Variants in MYT1L observed in about 807,000 individuals in gnomAD.
MYT1L encodes myelin transcription factor 1-like protein.
Under a neutral mutation model 126.7 loss-of-function variants are expected in MYT1L, and 12 were observed. The observed-to-expected ratio is 0.09, with a 90% CI of 0.06 to 0.15. The LOEUF (loss-of-function observed/expected upper bound fraction) is 0.15. MYT1L is among the 10% of genes least tolerant of loss of function. The probability of loss-of-function intolerance (pLI) is 1.00; values close to 1 mark genes in which losing one functional copy is unlikely to be tolerated. For synonymous variants in MYT1L, 541 were observed against 604.2 expected, an observed-to-expected ratio of 0.90 and a Z score of 1.53; for missense variants, 979 against 1,585.2, an observed-to-expected ratio of 0.62 and a Z score of 6.49.
chr2:2,208,614 CTTTAA>C (rs2093396866), intron 2 of MYT1L, among the ~76,000 whole-genome samples: 1 of 152,102 alleles, frequency 6.6e-6, no homozygotes, highest in South Asian at 2.1e-4. Flanking sequence ...CTTTAAAAAA[CTTTAA>C]TTTATAAATA....
At chr2:2,286,707 G>A (rs1266094899) in intron 1 of MYT1L, among the ~76,000 whole-genome samples, 2 of 152,152 alleles carry the variant, frequency 1.3e-5, no homozygotes, top group African/African-American at 4.8e-5. Context: ...CAGCAGGAGA[G>A]ATCATCTGTG....
At chr2:2,088,504 C>T (rs1262449101) in intron 3 of MYT1L, among the ~76,000 whole-genome samples, 2 of 152,096 alleles carry the variant, frequency 1.3e-5, no homozygotes, top group Non-Finnish European at 2.9e-5. Context: ...CAGTCCTTCC[C>T]CTGGGCCCTG....
intron 22 of MYT1L, among the ~76,000 whole-genome samples, chr2:1,807,336 G>C (rs2035877765): frequency 6.6e-6 from 1 of 152,220 alleles, no homozygotes; most frequent in Admixed American, 6.5e-5. Context: ...ACAGTCAGAT[G>C]AGAGGAGACC....
chr2:2,174,527 TTG>T (rs1406252874), intron 2 of MYT1L, among the ~76,000 whole-genome samples: 5 of 152,208 alleles, frequency 3.3e-5, no homozygotes, highest in Non-Finnish European at 1.5e-5. Context: ...ACCCACGTCC[TTG>T]TGAGACAGAG....
chr2:2,003,972 G>GAGTTCTTTCCT (rs2062708576), intron 4 of MYT1L, among the ~76,000 whole-genome samples: 1 of 140,586 alleles, frequency 7.1e-6, no homozygotes, highest in Non-Finnish European at 1.6e-5. Context: ...CTTTCCTGCA[G>GAGTTCTTTCCT]GCATTCTTTC....
intron 3 of MYT1L, among the ~76,000 whole-genome samples, chr2:2,109,631 T>C (rs1290298376): frequency 6.6e-6 from 1 of 151,820 alleles, no homozygotes; most frequent in Non-Finnish European, 1.5e-5. Flanking sequence ...TTGTAGTACT[T>C]GGGGTTTTGG....
At chr2:1,845,582 T>A (rs1284010096) in intron 19 of MYT1L, among the ~76,000 whole-genome samples, 2 of 152,024 alleles carry the variant, frequency 1.3e-5, no homozygotes, top group Non-Finnish European at 2.9e-5. Context: ...CACGGCCCCA[T>A]TGCTGCTCTC....
rs533304441 is a variant in MYT1L, at chr2:2,179,783, T to A, written c.-420-6795A>T. The stretch of plus-strand genomic sequence containing the variant: ...GACTTACCACCACCTTATGTGACCT[T>A]TAGTTTAAGCTGCTTTGTCCTCTCC... On this transcript the variant is annotated intron_variant, in intron 2 of 24. Transcript: ENST00000647738. Among the ~76,000 whole-genome samples the A allele has an allele frequency of 2.6e-5, 4 of 152,308 alleles. No individual in the cohort carries two copies. In the South Asian group the frequency reaches 6.2e-4, roughly 24 times the overall value.
At chr2:2,216,067 G>C (rs1238433601) in intron 2 of MYT1L, among the ~76,000 whole-genome samples, 19 of 87,108 alleles carry the variant, frequency 2.2e-4, no homozygotes, top group Non-Finnish European at 3.6e-4. Context: ...CTCTCTCTCA[G>C]TTCCACGTTC....
intron 4 of MYT1L, among the ~76,000 whole-genome samples, chr2:2,028,415 C>T (rs763197699): frequency 1.6e-4 from 25 of 152,178 alleles, no homozygotes; most frequent in Non-Finnish European, 3.5e-4. Context: ...AGTAGATCGA[C>T]AGTCCTATCA....
chr2:2,055,127 T>C (rs2069341417), intron 3 of MYT1L, among the ~76,000 whole-genome samples: 1 of 152,224 alleles, frequency 6.6e-6, no homozygotes, highest in Non-Finnish European at 1.5e-5. Flanking sequence ...CACAAAACTA[T>C]ATTCTTATAA....
chr2:2,149,147 C>G (rs2085342561), intron 3 of MYT1L, among the ~76,000 whole-genome samples: 1 of 151,950 alleles, frequency 6.6e-6, no homozygotes, highest in African/African-American at 2.4e-5. Context: ...GTTCTTTTTT[C>G]TCTCCCTTGG....
chr2:1,968,769 T>C (rs958047785), intron 8 of MYT1L, among the ~76,000 whole-genome samples: 1 of 152,116 alleles, frequency 6.6e-6, no homozygotes, highest in African/African-American at 2.4e-5. Context: ...GGGCTCTCTT[T>C]AGGCAGAGGC....
chr2:2,022,092 C>T (rs1192417959), intron 4 of MYT1L, among the ~76,000 whole-genome samples: 2 of 152,136 alleles, frequency 1.3e-5, no homozygotes, highest in Non-Finnish European at 2.9e-5. Context: ...GCACTTCCCT[C>T]GGGCAAGTGG....
chr2:2,265,896 T>G (rs937588641), intron 2 of MYT1L, among the ~76,000 whole-genome samples: 1 of 152,258 alleles, frequency 6.6e-6, no homozygotes, highest in East Asian at 1.9e-4. Flanking sequence ...AGGAAAACAC[T>G]GAAGGCTGTG....
intron 3 of MYT1L, among the ~76,000 whole-genome samples, chr2:2,167,452 C>G (rs1338945725): frequency 1.3e-5 from 2 of 152,202 alleles, no homozygotes; most frequent in Admixed American, 6.5e-5. Flanking sequence ...GTCAACAGCT[C>G]CCTGTCCTCC....
intron 3 of MYT1L, among the ~76,000 whole-genome samples, chr2:2,056,499 C>T (rs753959717): frequency 1.3e-5 from 2 of 152,218 alleles, no homozygotes; most frequent in Admixed American, 6.5e-5. Flanking sequence ...CACATCCATC[C>T]GTCCATCCAT....
At chr2:1,795,369 G>T (rs888159517) in intron 23 of MYT1L, among the ~76,000 whole-genome samples, 2 of 152,226 alleles carry the variant, frequency 1.3e-5, no homozygotes, top group Non-Finnish European at 2.9e-5. Flanking sequence ...TGGCCAGCAC[G>T]CTGCGGCGGT....
At chr2:2,314,886 A>G (rs1350487298) in intron 1 of MYT1L, among the ~76,000 whole-genome samples, 1 of 152,240 alleles carries the variant, frequency 6.6e-6, no homozygotes, top group Non-Finnish European at 1.5e-5. Flanking sequence ...ATCTACAACC[A>G]TCTGATCTTC....
Sources: allele counts gnomAD v4.1 joint callset (sites outside exome capture counted in the v4.1 genomes callset), GRCh38; gene constraint gnomAD v4.1.1; transcripts MANE v1.5; gene names NCBI Gene and HGNC (gene_info 2026-07-23, HGNC 2026-07-21).